Variants in ADAM17 observed in about 807,000 individuals in gnomAD.
ADAM17 encodes disintegrin and metalloproteinase domain-containing protein 17.
A neutral mutation model predicts 96.7 loss-of-function variants in ADAM17; 39 were observed. The observed-to-expected ratio is 0.40, with a 90% confidence interval of 0.31 to 0.53. The LOEUF is 0.53. ADAM17 is among the 20% of genes least tolerant of loss of function. The pLI is 0.44. For synonymous variants in ADAM17, 344 were observed against 359.2 expected (o/e 0.96, Z 0.48); for missense variants, 777 against 1,013.2 (o/e 0.77, Z 3.17).
intron 12 of ADAM17, among the ~76,000 whole-genome samples, chr2:9,503,924 G>A (rs889413090): frequency 6.6e-6 from 1 of 151,916 alleles, no homozygotes; most frequent in Non-Finnish European, 1.5e-5. Flanking sequence ...AGGCTTAGAA[G>A]GGTGGATCAC....
intron 4 of ADAM17, among the ~76,000 whole-genome samples, chr2:9,534,446 A>T (rs1280354279): frequency 6.6e-6 from 1 of 152,150 alleles, no homozygotes; most frequent in Non-Finnish European, 1.5e-5. Context: ...AAGGCAGGAG[A>T]ATCGCCTGAA....
In ADAM17 at chr2:9,490,327, A is replaced by G. The variant is rs1662020591; in HGVS notation, c.2325T>C (p.Asp775=). ...TTGGGAAGGGGTCCTTCTCAAACCC[A>G]TCCTCGTCCATATGTGAGTCTGTGC... is the stretch of plus-strand genomic sequence containing the variant. ...DPSTDSHMDE[D]GFEKDPFPNS... The change falls in exon 19 of 19, where the codon GAT becomes GAC. Residue 775 remains aspartate (D), a synonymous_variant. Transcript: ENST00000310823. 1 of 1,613,916 alleles carries G rather than the reference A, an allele frequency of 6.2e-7. No homozygotes were observed. Among genetic ancestry groups the G allele is most frequent in the Non-Finnish European group, 8.5e-7 (1 of 1,179,978 alleles).
rs1481376350 is a variant in ADAM17, at chr2:9,488,717, T to C, written c.*1460A>G. On this transcript the variant is annotated 3_prime_UTR_variant, in exon 19 of 19. Coordinates refer to ENST00000310823, the MANE Select transcript of ADAM17 (RefSeq NM_003183.6). The stretch of plus-strand genomic sequence containing the variant: ...AAAGTGTAACTAAAGTATAAGAATA[T>C]CATGACTAGTTAAAAGATAGCAAAT... 6.4e-6 allele frequency: 1 copy of C among 155,592 alleles called. No homozygotes were observed. Among genetic ancestry groups the C allele is most frequent in the African/African-American group, 2.4e-5 (1 of 41,558 alleles). The allele number at this position is 155,592 out of a possible 1,614,324, so 9.6% of individuals were successfully genotyped here. A position where few individuals can be genotyped will look rare whatever the true frequency, so the allele number is the denominator to read the frequency against.
chr2:9,490,759 A>AACTT (rs1351975013), intron 18 of ADAM17, among the ~76,000 whole-genome samples: 3 of 152,142 alleles, frequency 2.0e-5, no homozygotes, highest in South Asian at 4.1e-4. Flanking sequence ...GCATCCTGAA[A>AACTT]ACTTACTTAC....
intron 1 of ADAM17, among the ~76,000 whole-genome samples, 177 bp downstream of exon 1, chr2:9,555,332 C>A (rs1344706184): frequency 6.6e-6 from 1 of 152,190 alleles, no homozygotes; most frequent in African/African-American, 2.4e-5. Context: ...ACAGGCCCAT[C>A]TCCTTTATTC....
At chr2:9,496,153 G>C (rs980906515) in intron 14 of ADAM17, among the ~76,000 whole-genome samples, 1 of 151,582 alleles carries the variant, frequency 6.6e-6, no homozygotes, top group Non-Finnish European at 1.5e-5. Flanking sequence ...ATTTGAAATG[G>C]AGTCTCGCTC....
At chr2:9,513,012 T>A (rs950484209) in intron 10 of ADAM17, among the ~76,000 whole-genome samples, 1 of 151,974 alleles carries the variant, frequency 6.6e-6, no homozygotes, top group African/African-American at 2.4e-5. Context: ...CTTTTTTTTT[T>A]ATTTTTTGAG....
chr2:9,537,872 G>A (rs1185319017), intron 2 of ADAM17, among the ~76,000 whole-genome samples: 1 of 129,926 alleles, frequency 7.7e-6, no homozygotes, highest in African/African-American at 2.8e-5. Flanking sequence ...CAGAAGACAG[G>A]AAAAGAGGGG....
intron 1 of ADAM17, among the ~76,000 whole-genome samples, chr2:9,554,856 A>C (rs1240026692): frequency 6.6e-6 from 1 of 152,172 alleles, no homozygotes; most frequent in African/African-American, 2.4e-5. Flanking sequence ...TAAAAGTGCA[A>C]GGAAAGCATT....
chr2:9,549,260 A>G (rs1418144896), intron 1 of ADAM17, among the ~76,000 whole-genome samples: 1 of 152,108 alleles, frequency 6.6e-6, no homozygotes. Context: ...AATCCCAGCT[A>G]CTCAGAAGCC....
intron 10 of ADAM17, among the ~76,000 whole-genome samples, chr2:9,514,921 G>C (rs1273754779): frequency 3.9e-5 from 6 of 152,052 alleles, no homozygotes; most frequent in Non-Finnish European, 7.4e-5. Flanking sequence ...CTGGAATGTA[G>C]CGGGTATTCA....
rs1661914820 is a variant in ADAM17 at position 9,489,560 on chromosome 2, G to A, written c.*617C>T. On this transcript the variant is annotated 3_prime_UTR_variant, in exon 19 of 19. Coordinates refer to ENST00000310823, the MANE Select transcript of ADAM17 (RefSeq NM_003183.6). Reference sequence around the variant, plus strand: ...TAAGGTAGGTGGTTAGGTTTCTAGAGAGCATTAGTCTTAGAATTATGAAGA... The same window carrying A: ...TAAGGTAGGTGGTTAGGTTTCTAGAAAGCATTAGTCTTAGAATTATGAAGA... The A allele has an allele frequency of 6.6e-6, 1 of 152,168 alleles. No individual in the cohort carries two copies. Among genetic ancestry groups the A allele is most frequent in the African/African-American group, 2.4e-5 (1 of 41,252 alleles). The allele number at this position is 152,168 out of a possible 1,614,324, so 9.4% of individuals were successfully genotyped here.
intron 1 of ADAM17, among the ~76,000 whole-genome samples, chr2:9,550,115 C>A (rs1284839768): frequency 6.6e-6 from 1 of 152,082 alleles, no homozygotes; most frequent in African/African-American, 2.4e-5. Flanking sequence ...GGGAAGCAGG[C>A]CACGTGTAGT....
At chr2:9,526,674 T>TA (rs1471351774) in intron 5 of ADAM17, among the ~76,000 whole-genome samples, 1 of 152,154 alleles carries the variant, frequency 6.6e-6, no homozygotes, top group African/African-American at 2.4e-5. Context: ...CACCCGCCTG[T>TA]AATCCCAGCT....
rs1234369493 is a variant in ADAM17, at chr2:9,520,988, G to GAAAAA, written c.957+214_957+215insTTTTT. 8.4e-4 allele frequency among the ~76,000 whole-genome samples: 94 copies of GAAAAA among 112,062 alleles called. 1 individual carries two copies. Among genetic ancestry groups the GAAAAA allele is most frequent in the Non-Finnish European group, 1.4e-3 (68 of 50,040 alleles). 73.5% of individuals were successfully genotyped at this position (112,062 alleles called of 152,430 possible). A position where few individuals can be genotyped will look rare whatever the true frequency, so the allele number is the denominator to read the frequency against. Reference sequence around the variant, plus strand: ...TCAAAAAAAAAAAAAAAAAAAAAAGGAAGCATTGCTTTATAGCGTTTTTCT... The same window carrying GAAAAA: ...TCAAAAAAAAAAAAAAAAAAAAAAGGAAAAAAAGCATTGCTTTATAGCGTTTTTCT... On this transcript the variant is annotated intron_variant, in intron 8 of 18. Transcript: ENST00000310823.
chr2:9,539,725 T>C (rs17525614), intron 2 of ADAM17, among the ~76,000 whole-genome samples: 21,893 of 152,232 alleles, frequency 0.14, 1,670 homozygotes, highest in Non-Finnish European at 0.16. Flanking sequence ...TTTTAAACTT[T>C]AATGACGCAA....
chr2:9,518,277 A>AAC, intron 8 of ADAM17, 30 bp from the exon 9 acceptor site: 1 of 1,515,248 alleles, frequency 6.6e-7, no homozygotes, highest in Non-Finnish European at 8.8e-7. Flanking sequence ...AAAAAAAAAA[A>AAC]AAAAGCATTC....
intron 1 of ADAM17, among the ~76,000 whole-genome samples, chr2:9,548,250 T>C (rs2125044099): frequency 6.6e-6 from 1 of 152,166 alleles, no homozygotes; most frequent in East Asian, 1.9e-4. Context: ...GAGAATCGCT[T>C]GAACCCAGGA....
intron 1 of ADAM17, among the ~76,000 whole-genome samples, chr2:9,553,820 T>C (rs1425412239): frequency 6.6e-6 from 1 of 152,016 alleles, no homozygotes; most frequent in East Asian, 1.9e-4. Context: ...TCCCAGCACT[T>C]AGGGAGGCCC....
Sources: gnomAD v4.1 joint callset for allele counts (sites outside exome capture counted in the v4.1 genomes callset) on GRCh38, gnomAD v4.1.1 for gene constraint, MANE v1.5 for transcripts, NCBI Gene and HGNC (gene_info 2026-07-23, HGNC 2026-07-21) for gene names.